ASMT: variants seen among roughly 807,000 people sequenced by gnomAD.
ASMT encodes the protein acetylserotonin O-methyltransferase.
In ASMT, 53 loss-of-function variants were observed where a neutral mutation model predicts 41.3. That is an observed-to-expected ratio of 1.28 (90% CI 1.03 to 1.61). ASMT has a LOEUF of 1.61. Among genes scored for constraint, ASMT ranks in the 40% most tolerant of loss-of-function variants. The probability of loss-of-function intolerance (pLI) is 0.00; values close to 1 mark genes in which losing one functional copy is unlikely to be tolerated. For missense variants in ASMT, 531 were observed against 441.3 expected, an observed-to-expected ratio of 1.20 and a Z score of -1.82; for synonymous variants, 231 against 184.8, an observed-to-expected ratio of 1.25 and a Z score of -2.03.
chrX:1,615,357 G>C, intron 1 of ASMT, 89 bp downstream of exon 1: 1 of 1,233,782 alleles, frequency 8.1e-7, no homozygotes, highest in Non-Finnish European at 1.2e-6. Context: ...AAAATGATGA[G>C]TCTCCATCAT....
chrX:1,623,324 G>C lies in ASMT; in HGVS notation c.244+11G>C, dbSNP rs767641035. 1.9e-6 allele frequency: 3 copies of C among 1,613,900 alleles called. No homozygotes were observed. The highest frequency in any genetic ancestry group is 2.2e-5 in the East Asian group (1 of 44,886). On this transcript the variant is annotated intron_variant, in intron 2 of 8. Transcript: ENST00000381241. ...CGAGGGGAGGAAAAGGTGAGGACAC[G>C]GGCGTTTTGAAGGAGGCATTTTACA...
intron 7 of ASMT, 40 bp downstream of exon 7, chrX:1,633,330 G>A (rs761224955): frequency 1.4e-5 from 22 of 1,613,038 alleles, no homozygotes; most frequent in African/African-American, 2.7e-5. Context: ...TGTGTCTCAC[G>A]GCTTCTCCAG....
At chrX:1,641,604 T>G (rs1476569885) in intron 8 of ASMT, among the ~76,000 whole-genome samples, 2 of 147,136 alleles carry the variant, frequency 1.4e-5, no homozygotes, top group African/African-American at 2.5e-5. Context: ...ACAGCCTCTG[T>G]GTGTGTGATG....
intron 3 of ASMT, among the ~76,000 whole-genome samples, chrX:1,627,115 A>G (rs1445987621): frequency 6.9e-6 from 1 of 145,678 alleles, no homozygotes; most frequent in Non-Finnish European, 1.5e-5. Context: ...ACCTGAGGTC[A>G]GGAGTTCGAG....
intron 8 of ASMT, among the ~76,000 whole-genome samples, chrX:1,641,764 C>T (rs1296804235): frequency 2.7e-5 from 4 of 148,980 alleles, no homozygotes; most frequent in African/African-American, 9.9e-5. Flanking sequence ...TGGACACAGC[C>T]TCTCTGTGTG....
At chrX:1,629,356 C>G (rs1934683311) in intron 4 of ASMT, among the ~76,000 whole-genome samples, 3 of 152,070 alleles carry the variant, frequency 2.0e-5, no homozygotes, top group African/African-American at 7.2e-5. Context: ...GCTTCCAACA[C>G]CAGAGCCCTG....
rs1333578163 is a variant in ASMT, at chrX:1,637,103, GC to G, written c.910+544del. 1.1e-3 allele frequency among the ~76,000 whole-genome samples: 115 copies of G among 107,558 alleles called. 6 individuals are homozygous for G. Among genetic ancestry groups the G allele is most frequent in the Admixed American group, 3.1e-3 (33 of 10,762 alleles). The allele number at this position is 107,558 out of a possible 152,430, so 70.6% of individuals were successfully genotyped here. A position where few individuals can be genotyped will look rare whatever the true frequency, so the allele number is the denominator to read the frequency against. On this transcript the variant is annotated intron_variant, in intron 8 of 8. Coordinates refer to ENST00000381241, the MANE Select transcript of ASMT (RefSeq NM_001171038.2). Reference sequence around the variant, plus strand: ...TGTGTGAGATAAGGACTGTGTCCCAGCTCTCCTGTGAGGTCCACCCATCCTG... The same window carrying G: ...TGTGTGAGATAAGGACTGTGTCCCAGTCTCCTGTGAGGTCCACCCATCCTG...
intron 5 of ASMT, among the ~76,000 whole-genome samples, chrX:1,630,678 T>G (rs1350185658): frequency 1.3e-5 from 2 of 151,894 alleles, no homozygotes; most frequent in African/African-American, 4.8e-5. Context: ...CACCTCAGCC[T>G]CCCAAGTAGC....
In ASMT at chrX:1,632,752, G is replaced by A. The variant is rs1480671152; in HGVS notation, c.611G>A (p.Gly204Glu). 6.4e-6 allele frequency: 2 copies of A among 312,160 alleles called. No individual in the cohort carries two copies. Among genetic ancestry groups the A allele is most frequent in the East Asian group, 7.3e-5 (1 of 13,614 alleles). The allele number at this position is 312,160 out of a possible 1,614,324, so 19.3% of individuals were successfully genotyped here. Residue 204 changes from glycine (G) to glutamate (E), a missense_variant, in exon 6 of 9, where the codon GGA becomes GAA. Transcript: ENST00000381241. ...ATCATTCTCAGCAAACTATCGCAAG[G>A]ACAGAAAACCAAACACCGCGTGTTC... ...ETIILSKLSQ[G>E]QKTKHRVFSL...
chrX:1,631,453 C>G (rs1338133656), intron 5 of ASMT, among the ~76,000 whole-genome samples: 3 of 152,128 alleles, frequency 2.0e-5, no homozygotes, highest in Non-Finnish European at 4.4e-5. Flanking sequence ...GATCCACCCA[C>G]CCTATCTCCC....
intron 1 of ASMT, among the ~76,000 whole-genome samples, chrX:1,616,601 C>T (rs1289366352): frequency 2.4e-4 from 37 of 151,384 alleles, no homozygotes; most frequent in Admixed American, 5.9e-4. Flanking sequence ...CCGGGCTCAG[C>T]GGTGACACCT....
intron 1 of ASMT, among the ~76,000 whole-genome samples, chrX:1,619,328 A>T (rs1569370242): frequency 1.4e-5 from 2 of 145,822 alleles, no homozygotes; most frequent in East Asian, 2.1e-4. Flanking sequence ...CGGGAGGTGG[A>T]GGTTGCAGTG....
chrX:1,629,152 A>G (rs1189367985), intron 4 of ASMT, among the ~76,000 whole-genome samples: 2 of 151,788 alleles, frequency 1.3e-5, no homozygotes, highest in African/African-American at 2.4e-5. Flanking sequence ...AGGGGGCACA[A>G]GTACCCATGT....
chrX:1,620,675 C>A (rs1312497544), intron 1 of ASMT, among the ~76,000 whole-genome samples: 1 of 151,942 alleles, frequency 6.6e-6, no homozygotes, highest in African/African-American at 2.4e-5. Context: ...CCGAGGCAGG[C>A]AGATCACGAG....
chrX:1,627,911 C>A, intron 4 of ASMT, 140 bp downstream of exon 4: 1 of 816,042 alleles, frequency 1.2e-6, no homozygotes, highest in Non-Finnish European at 2.1e-6. Context: ...ATCCCCTATC[C>A]CCACTACTAC....
intron 5 of ASMT, 107 bp downstream of exon 5, chrX:1,630,046 C>T (rs1404693431): frequency 3.8e-5 from 39 of 1,035,268 alleles, no homozygotes; most frequent in African/African-American, 7.8e-5. Flanking sequence ...TTGACATGTG[C>T]GGCCTTACTG....
In ASMT at chrX:1,633,299, G is replaced by A. The variant is rs779080045; in HGVS notation, c.787+9G>A. 1 of 1,613,882 alleles carries A rather than the reference G, an allele frequency of 6.2e-7. No individual in the cohort carries two copies. The highest frequency in any genetic ancestry group is 8.5e-7 in the Non-Finnish European group (1 of 1,179,840). On this transcript the variant is annotated intron_variant, in intron 7 of 8. Transcript: ENST00000381241. Reference sequence around the variant, plus strand: ...GATTGACTTCCAGGAAGGTGTGTTTGTGTCCGTGGGGAAGCAGAGATGTGT... The same window carrying A: ...GATTGACTTCCAGGAAGGTGTGTTTATGTCCGTGGGGAAGCAGAGATGTGT...
chrX:1,626,302 T>C (rs1934547786), intron 3 of ASMT, among the ~76,000 whole-genome samples: 1 of 150,022 alleles, frequency 6.7e-6, no homozygotes, highest in Admixed American at 6.7e-5. Flanking sequence ...TGGTATGATC[T>C]CGACTCACTG....
rs141250190 is a variant in ASMT at position 1,623,224 on chromosome X, G to A, written c.155G>A (p.Gly52Asp). Residue 52 changes from glycine (G) to aspartate (D), a missense_variant, in exon 2 of 9, where the codon GGT becomes GAT. By Grantham distance (94) the Gly-to-Asp change is moderately conservative. Transcript: ENST00000381241. ...CTGGACGTGGCGGCAGTGGCTGCAG[G>A]TGTGAGGGCCAGCGCCCATGGGACA... ...GPLDVAAVAA[G>D]VRASAHGTEL... is the part of the protein sequence containing the mutation. 41 of 1,613,748 alleles carry A rather than the reference G, an allele frequency of 2.5e-5. No homozygotes were observed. The African/African-American group carries it at 4.8e-4, about 19-fold the overall frequency.
Sources: gnomAD v4.1 joint callset for allele counts (sites outside exome capture counted in the v4.1 genomes callset) on GRCh38, gnomAD v4.1.1 for gene constraint, MANE v1.5 for transcripts, NCBI Gene and HGNC (gene_info 2026-07-23, HGNC 2026-07-21) for gene names.